Variants in BBS7 observed in about 807,000 individuals in gnomAD.
BBS7 encodes the protein Bardet-Biedl syndrome 7.
BBS7 carries 50 observed loss-of-function variants against 90.3 expected under a neutral mutation model. The observed-to-expected ratio is 0.55, with a 90% CI of 0.44 to 0.70. The LOEUF (loss-of-function observed/expected upper bound fraction) is 0.70. Ranked by LOEUF, BBS7 falls within the 30% of genes least tolerant of loss-of-function variation. BBS7 has a pLI of 0.00. For missense variants in BBS7, 729 were observed against 838.9 expected, an observed-to-expected ratio of 0.87 and a Z score of 1.62; for synonymous variants, 235 against 287.4, an observed-to-expected ratio of 0.82 and a Z score of 1.85.
chr4:121,825,838 GGGACT>G lies in BBS7; in HGVS notation c.*17_*21del. 1 of 1,610,788 alleles carries G rather than the reference GGGACT, an allele frequency of 6.2e-7. No individual in the cohort carries two copies. The highest frequency in any genetic ancestry group is 8.5e-7 in the Non-Finnish European group (1 of 1,178,378). ...TTTCATTTAAACAGACCACTTCTTT[GGGACT>G]TTACCTTATTTGTATGTCATGCTGC... On this transcript the variant is annotated 3_prime_UTR_variant, in exon 19 of 19. Coordinates refer to ENST00000264499, the MANE Select transcript of BBS7 (RefSeq NM_176824.3).
At chr4:121,849,027 A>G in intron 8 of BBS7, 99 bp from the exon 9 acceptor site, 2 of 841,388 alleles carry the variant, frequency 2.4e-6, no homozygotes, top group South Asian at 1.4e-5. Context: ...CAGACATTCA[A>G]CATATATTTA....
rs1724829237 is a variant in BBS7, at chr4:121,824,720, AAT to A, written c.*1138_*1139del. On this transcript the variant is annotated 3_prime_UTR_variant, in exon 19 of 19. Transcript: ENST00000264499. This position sits in a 1 kb window ranked among gnomAD's most constrained non-coding sequence, Gnocchi z 4.1. ...AAAGTTTTTTAAACATAGTAAAAACAATATGACCTTATTAAAATAAAACTCTC... is the reference window on the plus strand; with the variant it reads ...AAAGTTTTTTAAACATAGTAAAAACAATGACCTTATTAAAATAAAACTCTC... 1.3e-5 allele frequency: 2 copies of A among 152,010 alleles called. No individual in the cohort carries two copies. The allele number at this position is 152,010 out of a possible 1,614,324, so 9.4% of individuals were successfully genotyped here.
intron 18 of BBS7, 114 bp downstream of exon 18, chr4:121,828,032 G>T: frequency 6.5e-7 from 1 of 1,536,586 alleles, no homozygotes; most frequent in Non-Finnish European, 8.7e-7. Context: ...ACTGGTTCAT[G>T]AATCATGACT....
chr4:121,870,186 T>A, intron 1 of BBS7, 92 bp downstream of exon 1: 1 of 1,557,544 alleles, frequency 6.4e-7, no homozygotes, highest in East Asian at 2.2e-5. Context: ...CACCAGCTCC[T>A]GGCGACCGAG....
intron 14 of BBS7, 56 bp from the exon 15 acceptor site, chr4:121,833,451 T>C (rs1023057273): frequency 1.7e-5 from 25 of 1,484,690 alleles, no homozygotes; most frequent in East Asian, 1.4e-4. Context: ...GAAAGTATTA[T>C]ATGTACACGT....
chr4:121,852,172 C>G (rs1216812596), intron 8 of BBS7, among the ~76,000 whole-genome samples: 1 of 152,158 alleles, frequency 6.6e-6, no homozygotes, highest in African/African-American at 2.4e-5. Context: ...AAATGATATA[C>G]TTTACCTGTG....
In BBS7 at chr4:121,852,934, T is replaced by C. The variant is rs371998824; in HGVS notation, c.849+22A>G. On this transcript the variant is annotated intron_variant, in intron 8 of 18. Coordinates refer to ENST00000264499, the MANE Select transcript of BBS7 (RefSeq NM_176824.3). ...AATAATTTGACAAATAATAAGCATATAGTCTTTTTTAATGAACTTACCTGA... is the reference window on the plus strand; with the variant it reads ...AATAATTTGACAAATAATAAGCATACAGTCTTTTTTAATGAACTTACCTGA... 5 of 1,610,152 alleles carry C rather than the reference T, an allele frequency of 3.1e-6. No homozygotes were observed. In the South Asian group the frequency reaches 3.3e-5, roughly 11 times the overall value.
intron 13 of BBS7, among the ~76,000 whole-genome samples, chr4:121,837,448 TTAAGA>T (rs1461451829): frequency 2.0e-5 from 3 of 152,204 alleles, no homozygotes; most frequent in African/African-American, 4.8e-5. Flanking sequence ...TATATATGGC[TTAAGA>T]TAATAATTCA....
chr4:121,845,934 TAG>T (rs1239177540), intron 10 of BBS7, among the ~76,000 whole-genome samples: 4 of 152,170 alleles, frequency 2.6e-5, no homozygotes, highest in African/African-American at 9.7e-5. Flanking sequence ...GCAATATTAA[TAG>T]AGAGTTTTAA....
intron 4 of BBS7, 79 bp from the exon 5 acceptor site, chr4:121,859,257 A>G (rs2149085172): frequency 5.7e-6 from 7 of 1,224,806 alleles, no homozygotes; most frequent in Non-Finnish European, 8.4e-6. Flanking sequence ...AGAAAAATGT[A>G]TACAGTTTAC....
intron 18 of BBS7, chr4:121,827,642 C>G: frequency 2.5e-6 from 1 of 405,266 alleles, no homozygotes. Flanking sequence ...CTCTCCTCAC[C>G]TCCCTTACTC....
At chr4:121,863,047 C>G (rs904020016) in intron 3 of BBS7, among the ~76,000 whole-genome samples, 170 bp downstream of exon 3, 10 of 152,182 alleles carry the variant, frequency 6.6e-5, no homozygotes, top group Admixed American at 5.9e-4. Context: ...TTACAACTAG[C>G]TAGCAAATTA....
intron 5 of BBS7, among the ~76,000 whole-genome samples, chr4:121,857,981 T>A (rs1038008857): frequency 1.3e-5 from 2 of 152,078 alleles, no homozygotes; most frequent in African/African-American, 4.8e-5. Flanking sequence ...TAATTTTGTA[T>A]TTTTAGTAGA....
At chr4:121,847,639 A>C in intron 9 of BBS7, 133 bp from the exon 10 acceptor site, 1 of 661,454 alleles carries the variant, frequency 1.5e-6, no homozygotes, top group Non-Finnish European at 2.7e-6. Context: ...TAACCCTAGG[A>C]CTTCATTCAA....
chr4:121,824,628 G>T lies in BBS7; in HGVS notation c.*1232C>A, dbSNP rs1206351123. 6.6e-6 allele frequency: 1 copy of T among 151,926 alleles called. No homozygotes were observed. The highest frequency in any genetic ancestry group is 1.5e-5 in the Non-Finnish European group (1 of 67,980). 9.4% of individuals were successfully genotyped at this position (151,926 alleles called of 1,614,324 possible). A position where few individuals can be genotyped will look rare whatever the true frequency, so the allele number is the denominator to read the frequency against. On this transcript the variant is annotated 3_prime_UTR_variant, in exon 19 of 19. Coordinates refer to ENST00000264499, the MANE Select transcript of BBS7 (RefSeq NM_176824.3). The surrounding 1 kb of genome is among the most constrained non-coding windows in gnomAD (Gnocchi z 4.1). The stretch of plus-strand genomic sequence containing the variant: ...ATTTTTTTCTATTTTTCCCCAAGCT[G>T]TGGCAACCAACAAAAAACACAATGA...
rs5861541 is a variant in BBS7, at chr4:121,857,808, C to CTTTT, written c.528+1180_528+1183dup. Among the ~76,000 whole-genome samples the CTTTT allele has an allele frequency of 1.7e-4, 22 of 132,364 alleles. 1 individual carries two copies. Among genetic ancestry groups the CTTTT allele is most frequent in the African/African-American group, 2.6e-4 (9 of 35,196 alleles). 86.8% of individuals were successfully genotyped at this position (132,364 alleles called of 152,430 possible). ...CTCTAAAATGAACCTTTTTTCTTTTCTTTTTTTTTTTTTTTTGAGATGGAG... is the reference window on the plus strand; with the variant it reads ...CTCTAAAATGAACCTTTTTTCTTTTCTTTTTTTTTTTTTTTTTTTTGAGATGGAG... On this transcript the variant is annotated intron_variant, in intron 5 of 18. Coordinates refer to ENST00000264499, the MANE Select transcript of BBS7 (RefSeq NM_176824.3).
intron 13 of BBS7, among the ~76,000 whole-genome samples, chr4:121,837,564 C>T (rs1042437071): frequency 6.6e-6 from 1 of 152,032 alleles, no homozygotes; most frequent in African/African-American, 2.4e-5. Flanking sequence ...ATAGAAATGT[C>T]ATGCACTAAA....
intron 13 of BBS7, among the ~76,000 whole-genome samples, chr4:121,836,864 T>C (rs1725483362): frequency 6.6e-6 from 1 of 152,192 alleles, no homozygotes; most frequent in Non-Finnish European, 1.5e-5. Context: ...AAGAAGAAAC[T>C]GCTTTTTGTT....
chr4:121,835,837 A>C (rs955970541), intron 13 of BBS7, among the ~76,000 whole-genome samples: 1 of 152,170 alleles, frequency 6.6e-6, no homozygotes, highest in South Asian at 2.1e-4. Flanking sequence ...ATAACAATTA[A>C]TATTCCTTAT....
Sources: gnomAD v4.1 joint callset for allele counts (sites outside exome capture counted in the v4.1 genomes callset) on GRCh38, gnomAD v4.1.1 for gene constraint, Gnocchi (gnomAD v3.1) non-coding constraint, MANE v1.5 for transcripts, NCBI Gene and HGNC (gene_info 2026-07-23, HGNC 2026-07-21) for gene names.